Variants in CPNE8 observed in about 807,000 individuals in gnomAD.
CPNE8 encodes copine 8.
CPNE8 carries 45 observed loss-of-function variants against 81.5 expected under a neutral mutation model. That is an observed-to-expected ratio of 0.55 (90% CI 0.44 to 0.71). The LOEUF is 0.71. Among genes scored for constraint, CPNE8 ranks in the 30% least tolerant of loss-of-function variants. The probability of loss-of-function intolerance (pLI) is 0.00; values close to 1 mark genes in which losing one functional copy is unlikely to be tolerated. For synonymous variants in CPNE8, 252 were observed against 226.3 expected, an observed-to-expected ratio of 1.11 and a Z score of -1.02; for missense variants, 594 against 672.1, an observed-to-expected ratio of 0.88 and a Z score of 1.28.
At chr12:38,825,288 C>T (rs1943170633) in intron 6 of CPNE8, among the ~76,000 whole-genome samples, 1 of 152,122 alleles carries the variant, frequency 6.6e-6, no homozygotes, top group African/African-American at 2.4e-5. Flanking sequence ...AAAGCCATTC[C>T]CTCTTCCACT....
chr12:38,722,661 G>A (rs564861740), intron 13 of CPNE8, among the ~76,000 whole-genome samples: 9 of 152,256 alleles, frequency 5.9e-5, no homozygotes, highest in Non-Finnish European at 7.4e-5. Context: ...CCACTTTTGC[G>A]TATTGAAAAT....
At chr12:38,864,959 C>T (rs1197664954) in intron 3 of CPNE8, among the ~76,000 whole-genome samples, 4 of 152,108 alleles carry the variant, frequency 2.6e-5, no homozygotes, top group African/African-American at 4.8e-5. Flanking sequence ...TTGCAAGATA[C>T]GCAAGCAACA....
Position 38,682,502 on chromosome 12 carries a change from G to A in CPNE8, c.1271+2988C>T, listed in dbSNP as rs556581458. ...GAACCTGGGAAGCAGAGGTTGCAGT[G>A]AGCCGAGATCATCCCACTGCACTCC... On this transcript the variant is annotated intron_variant, in intron 16 of 19. Transcript: ENST00000331366. Among the ~76,000 whole-genome samples the A allele has an allele frequency of 2.0e-5, 3 of 152,304 alleles. No homozygotes were observed. The South Asian group carries it at 6.2e-4, about 32-fold the overall frequency.
intron 13 of CPNE8, among the ~76,000 whole-genome samples, chr12:38,719,797 G>T (rs535674095): frequency 5.5e-4 from 83 of 152,004 alleles, no homozygotes; most frequent in Middle Eastern, 3.4e-3. Context: ...ATGTATAACT[G>T]TAATATATTT....
At chr12:38,830,118 A>C (rs1219639575) in intron 5 of CPNE8, among the ~76,000 whole-genome samples, 2 of 152,158 alleles carry the variant, frequency 1.3e-5, no homozygotes, top group African/African-American at 2.4e-5. Flanking sequence ...ATTAACATAC[A>C]ACCGTATGAT....
At chr12:38,900,000 G>C (rs2137162039) in intron 1 of CPNE8, among the ~76,000 whole-genome samples, 1 of 152,168 alleles carries the variant, frequency 6.6e-6, no homozygotes, top group South Asian at 2.1e-4. Context: ...ATGTAGTAAA[G>C]CAATTAGGAA....
intron 10 of CPNE8, among the ~76,000 whole-genome samples, chr12:38,736,145 T>C (rs970491784): frequency 1.3e-5 from 2 of 151,694 alleles, no homozygotes; most frequent in Non-Finnish European, 2.9e-5. Context: ...CTAATACAGA[T>C]AGAATTTTTA....
chr12:38,789,643 A>C (rs962487265), intron 6 of CPNE8, among the ~76,000 whole-genome samples: 66 of 151,970 alleles, frequency 4.3e-4, no homozygotes, highest in African/African-American at 1.6e-3. Context: ...GAAACAATCA[A>C]CTCAGGGAAG....
intron 6 of CPNE8, among the ~76,000 whole-genome samples, chr12:38,786,889 T>C (rs552391675): frequency 1.3e-4 from 20 of 152,268 alleles, no homozygotes; most frequent in African/African-American, 3.6e-4. Context: ...AATACAATTA[T>C]ACTGGAGACT....
intron 19 of CPNE8, among the ~76,000 whole-genome samples, chr12:38,670,247 A>G (rs755309780): frequency 1.3e-5 from 2 of 152,152 alleles, no homozygotes; most frequent in African/African-American, 4.8e-5. Context: ...TCCTTTTCCT[A>G]TCCAAAAAGA....
chr12:38,684,047 G>A (rs887762434), intron 16 of CPNE8, among the ~76,000 whole-genome samples: 2 of 152,042 alleles, frequency 1.3e-5, no homozygotes, highest in African/African-American at 4.8e-5. Flanking sequence ...ACCAGCATGA[G>A]TTCATACAAA....
chr12:38,764,616 CAAAAAAAAAAA>C (rs1247038606), intron 8 of CPNE8, among the ~76,000 whole-genome samples: 2 of 45,094 alleles, frequency 4.4e-5, no homozygotes, highest in Non-Finnish European at 8.8e-5. Context: ...GACTCCGTCT[CAAAAAAAAAAA>C]AAAAAAAAAA....
intron 3 of CPNE8, among the ~76,000 whole-genome samples, chr12:38,866,911 T>A (rs1212777238): frequency 6.6e-6 from 1 of 152,056 alleles, no homozygotes; most frequent in Non-Finnish European, 1.5e-5. Flanking sequence ...CAGGCTGGAG[T>A]GCAATGGCGG....
At chr12:38,771,495 T>G (rs1413280901) in intron 7 of CPNE8, among the ~76,000 whole-genome samples, 2 of 152,002 alleles carry the variant, frequency 1.3e-5, no homozygotes, top group African/African-American at 4.8e-5. Context: ...GAAGATACAC[T>G]CCCAACATAA....
chr12:38,668,666 C>A (rs1939109286), intron 19 of CPNE8, among the ~76,000 whole-genome samples: 1 of 152,074 alleles, frequency 6.6e-6, no homozygotes, highest in Admixed American at 6.5e-5. Flanking sequence ...AACAAATATT[C>A]TAGAGAGCTT....
chr12:38,861,999 G>T (rs1430879774), intron 3 of CPNE8, among the ~76,000 whole-genome samples: 1 of 151,944 alleles, frequency 6.6e-6, no homozygotes, highest in East Asian at 1.9e-4. Flanking sequence ...AATGATCTAG[G>T]CACTAAGCAT....
At chr12:38,779,125 A>G (rs1354252706) in intron 6 of CPNE8, among the ~76,000 whole-genome samples, 1 of 152,130 alleles carries the variant, frequency 6.6e-6, no homozygotes, top group Non-Finnish European at 1.5e-5. Flanking sequence ...AAAACCAAAC[A>G]CCCTGACTGA....
chr12:38,671,736 T>C (rs945271740), intron 18 of CPNE8, among the ~76,000 whole-genome samples: 1 of 152,112 alleles, frequency 6.6e-6, no homozygotes, highest in Non-Finnish European at 1.5e-5. Context: ...CCTCACTTCT[T>C]TACTCTTTTC....
intron 6 of CPNE8, among the ~76,000 whole-genome samples, chr12:38,785,045 A>C: frequency 6.6e-6 from 1 of 152,106 alleles, no homozygotes; most frequent in Non-Finnish European, 1.5e-5. Flanking sequence ...AAATACAAAA[A>C]TTAGCTGGGT....
Sources: allele counts gnomAD v4.1 joint callset (sites outside exome capture counted in the v4.1 genomes callset), GRCh38; gene constraint gnomAD v4.1.1; transcripts MANE v1.5; gene names NCBI Gene and HGNC (gene_info 2026-07-23, HGNC 2026-07-21).